Variants in PTPRT observed in about 807,000 individuals in gnomAD.
The protein encoded by PTPRT is protein tyrosine phosphatase receptor type T.
In PTPRT, 56 loss-of-function variants were observed where a neutral mutation model predicts 176.8. That is an observed-to-expected ratio of 0.32 (90% CI 0.26 to 0.40). PTPRT has a LOEUF of 0.40. Ranked by LOEUF, PTPRT falls within the 10% of genes least tolerant of loss-of-function variation. The pLI is 1.00. For synonymous variants in PTPRT, 783 were observed against 739.0 expected (o/e 1.06, Z -0.96); for missense variants, 1,540 against 1,908.2 (o/e 0.81, Z 3.60).
At chr20:43,067,322 G>A (rs2011121409) in intron 1 of PTPRT, among the ~76,000 whole-genome samples, 2 of 152,148 alleles carry the variant, frequency 1.3e-5, no homozygotes, top group African/African-American at 2.4e-5. Flanking sequence ...AATGGGGAGT[G>A]GGGGTTGGAG....
chr20:42,524,337 T>G (rs1304567594), intron 7 of PTPRT, among the ~76,000 whole-genome samples: 1 of 152,226 alleles, frequency 6.6e-6, no homozygotes, highest in Admixed American at 6.5e-5. Flanking sequence ...TCCTATGAGA[T>G]TTTATTGGCA....
At chr20:43,051,110 T>A (rs1213992834) in intron 1 of PTPRT, among the ~76,000 whole-genome samples, 1 of 151,900 alleles carries the variant, frequency 6.6e-6, no homozygotes, top group Non-Finnish European at 1.5e-5. Context: ...TATGGAGAGG[T>A]GGAGAGAGGC....
At chr20:42,739,181 C>G (rs1382853190) in intron 6 of PTPRT, among the ~76,000 whole-genome samples, 1 of 152,126 alleles carries the variant, frequency 6.6e-6, no homozygotes, top group Admixed American at 6.5e-5. Context: ...ACCCCTGCAC[C>G]TGAGAGTCTG....
intron 6 of PTPRT, among the ~76,000 whole-genome samples, chr20:42,745,041 C>T (rs2076672367): frequency 1.3e-5 from 2 of 152,156 alleles, no homozygotes; most frequent in South Asian, 2.1e-4. Flanking sequence ...TCTCAGATCT[C>T]GGAAATGGGG....
At chr20:42,245,684 C>T (rs1248813016) in intron 14 of PTPRT, among the ~76,000 whole-genome samples, 1 of 152,160 alleles carries the variant, frequency 6.6e-6, no homozygotes, top group African/African-American at 2.4e-5. Flanking sequence ...AAGGAAACCC[C>T]TAACAGGAAG....
intron 12 of PTPRT, among the ~76,000 whole-genome samples, chr20:42,290,415 G>C (rs751107727): frequency 6.6e-6 from 1 of 152,048 alleles, no homozygotes; most frequent in Non-Finnish European, 1.5e-5. Flanking sequence ...GGCCAGTGCA[G>C]CAATATTGGG....
chr20:42,663,875 T>C (rs541823377), intron 7 of PTPRT, among the ~76,000 whole-genome samples: 1 of 152,332 alleles, frequency 6.6e-6, no homozygotes, highest in African/African-American at 2.4e-5. Flanking sequence ...CTCCAATCGT[T>C]GGTGCATTTA....
chr20:42,256,029 C>T (rs1255975265), intron 13 of PTPRT, among the ~76,000 whole-genome samples: 1 of 152,146 alleles, frequency 6.6e-6, no homozygotes, highest in Non-Finnish European at 1.5e-5. Flanking sequence ...GTTTCTCTGG[C>T]TTTGTATGTA....
chr20:43,076,210 AT>A (rs2011271997), intron 1 of PTPRT, among the ~76,000 whole-genome samples: 1 of 151,920 alleles, frequency 6.6e-6, no homozygotes, highest in South Asian at 2.1e-4. Context: ...TTTTCTTCTC[AT>A]TTTTCCAGCA....
At chr20:42,409,097 G>C (rs1257516358) in intron 9 of PTPRT, among the ~76,000 whole-genome samples, 1 of 152,162 alleles carries the variant, frequency 6.6e-6, no homozygotes, top group Non-Finnish European at 1.5e-5. Context: ...ACCACTGATA[G>C]ATCTATTAAA....
intron 1 of PTPRT, among the ~76,000 whole-genome samples, chr20:43,100,271 G>A (rs1016947221): frequency 3.3e-5 from 5 of 152,082 alleles, no homozygotes; most frequent in African/African-American, 1.2e-4. Context: ...CCGCTACTCT[G>A]GAGGCTCAGG....
intron 7 of PTPRT, among the ~76,000 whole-genome samples, chr20:42,508,771 C>T (rs2071895573): frequency 6.6e-6 from 1 of 151,570 alleles, no homozygotes; most frequent in Non-Finnish European, 1.5e-5. Context: ...GCTATTATTA[C>T]TGTTGTTATT....
intron 9 of PTPRT, among the ~76,000 whole-genome samples, chr20:42,390,006 TC>T (rs1247870516): frequency 1.3e-5 from 2 of 152,150 alleles, no homozygotes; most frequent in Non-Finnish European, 2.9e-5. Context: ...TATAAATTAG[TC>T]AGTCTGTGGT....
At position 42,358,941 on chromosome 20, in the gene PTPRT, T is replaced by C. The variant is rs76803556; in HGVS notation, c.1561-6656A>G. On this transcript the variant is annotated intron_variant, in intron 9 of 30. Transcript: ENST00000373187. Reference sequence around the variant, plus strand: ...GCCTTTAATGAACTACTCAAGTGTATATATTTTATTTCGAGGGTAATATAG... The same window carrying C: ...GCCTTTAATGAACTACTCAAGTGTACATATTTTATTTCGAGGGTAATATAG... 1.6e-3 allele frequency among the ~76,000 whole-genome samples: 238 copies of C among 152,244 alleles called. 1 individual carries two copies. Among genetic ancestry groups the C allele is most frequent in the African/African-American group, 5.4e-3 (223 of 41,552 alleles).
chr20:42,351,585 AG>A (rs1031241804), intron 10 of PTPRT, among the ~76,000 whole-genome samples: 20 of 152,222 alleles, frequency 1.3e-4, no homozygotes, highest in African/African-American at 4.8e-4. Context: ...GCTGTAAAAA[AG>A]GTTCTGAAAT....
rs561314942 is a variant in PTPRT, at chr20:42,327,294, T to C, written c.1866-11298A>G. ...TATATTCCAATAGTTCAGAATTAATTTATTTACTGAAAAATTTTAGTATGC... is the reference window on the plus strand; with the variant it reads ...TATATTCCAATAGTTCAGAATTAATCTATTTACTGAAAAATTTTAGTATGC... On this transcript the variant is annotated intron_variant, in intron 11 of 30. Coordinates refer to ENST00000373187, the MANE Select transcript of PTPRT (RefSeq NM_007050.6). Among the ~76,000 whole-genome samples the C allele has an allele frequency of 1.6e-3, 250 of 152,246 alleles. 1 individual carries two copies. Among genetic ancestry groups the C allele is most frequent in the African/African-American group, 5.7e-3 (236 of 41,562 alleles).
At chr20:42,872,090 A>G (rs1482247008) in intron 2 of PTPRT, among the ~76,000 whole-genome samples, 1 of 152,232 alleles carries the variant, frequency 6.6e-6, no homozygotes, top group Admixed American at 6.5e-5. Flanking sequence ...TAATAAGGAA[A>G]CACAACACCT....
chr20:42,422,135 T>C (rs2059124175), intron 9 of PTPRT, among the ~76,000 whole-genome samples: 1 of 152,224 alleles, frequency 6.6e-6, no homozygotes, highest in East Asian at 1.9e-4. Flanking sequence ...ATTCAGGACA[T>C]AGGCATGGGC....
intron 1 of PTPRT, among the ~76,000 whole-genome samples, chr20:43,042,659 A>G (rs978551893): frequency 2.0e-5 from 3 of 151,386 alleles, no homozygotes; most frequent in Non-Finnish European, 4.4e-5. Context: ...CAGCCACACA[A>G]GGAAAGTTGC....
Sources: allele counts gnomAD v4.1 joint callset (sites outside exome capture counted in the v4.1 genomes callset), GRCh38; gene constraint gnomAD v4.1.1; transcripts MANE v1.5; gene names NCBI Gene and HGNC (gene_info 2026-07-23, HGNC 2026-07-21).